Variants in DEPDC4 observed in about 807,000 individuals in gnomAD.
The protein encoded by DEPDC4 is DEP domain containing 4, also known as DEP domain-containing protein 4.
Under a neutral mutation model 52.0 loss-of-function variants are expected in DEPDC4, and 52 were observed. That is an observed-to-expected ratio of 1.00 (90% CI 0.80 to 1.26). The LOEUF (loss-of-function observed/expected upper bound fraction) is 1.26, where lower values mean the gene tolerates loss of function less well. DEPDC4 is among the 50% of genes most tolerant of loss of function. The pLI, the probability that DEPDC4 is intolerant of heterozygous loss-of-function variation, is 0.00. For synonymous variants in DEPDC4, 201 were observed against 196.8 expected (o/e 1.02, Z -0.18); for missense variants, 530 against 546.9 (o/e 0.97, Z 0.31).
Position 100,262,336 on chromosome 12 carries a change from T to C in DEPDC4, c.628A>G (p.Thr210Ala), listed in dbSNP as rs765888750. Reference sequence around the variant, plus strand: ...CATAAAGCTGGATTCCCATTTATTGTATGAATAAGTTCCTCAATTCTTTCC... The same window carrying C: ...CATAAAGCTGGATTCCCATTTATTGCATGAATAAGTTCCTCAATTCTTTCC... The part of the protein sequence containing the change: ...GEERIEELIH[T>A]INGNPALCPN... Residue 210 changes from threonine (T) to alanine (A), a missense_variant, in exon 3 of 10, where the codon ACA becomes GCA. Physicochemically the swap from Thr to Ala is moderately conservative, Grantham distance 58. Transcript: ENST00000550587. 1.3e-5 allele frequency: 21 copies of C among 1,613,470 alleles called. No homozygotes were observed. Among genetic ancestry groups the C allele is most frequent in the Non-Finnish European group, 1.7e-6 (2 of 1,179,788 alleles).
the DEPDC4 span, among the ~76,000 whole-genome samples, chr12:100,278,659 CT>C: frequency 7.0e-5 from 9 of 129,076 alleles, no homozygotes; most frequent in East Asian, 1.6e-3. Context: ...GAGATGGAGT[CT>C]TGCTCCCTCG....
upstream of DEPDC4, among the ~76,000 whole-genome samples, chr12:100,269,887 C>T (rs1448639776): frequency 6.6e-6 from 1 of 152,108 alleles, no homozygotes; most frequent in Non-Finnish European, 1.5e-5. Flanking sequence ...AAGAAGTTAT[C>T]CAGGTTATTT....
chr12:100,249,298 A>C (rs1335077613), intron 7 of DEPDC4, among the ~76,000 whole-genome samples: 1 of 152,208 alleles, frequency 6.6e-6, no homozygotes, highest in Non-Finnish European at 1.5e-5. Flanking sequence ...TTACATTGTA[A>C]TTACACAGTC....
chr12:100,280,721 T>G, the DEPDC4 span, among the ~76,000 whole-genome samples: 1 of 152,124 alleles, frequency 6.6e-6, no homozygotes, highest in African/African-American at 2.4e-5. Flanking sequence ...AAGGAAATGC[T>G]CTTTGGAGCA....
At chr12:100,273,666 C>T in the DEPDC4 span, among the ~76,000 whole-genome samples, 9 of 152,164 alleles carry the variant, frequency 5.9e-5, no homozygotes, top group Non-Finnish European at 1.2e-4. Flanking sequence ...AGTTTGCAGA[C>T]CACACCATAG....
downstream of DEPDC4, among the ~76,000 whole-genome samples, chr12:100,236,995 G>T (rs962861997): frequency 6.6e-6 from 1 of 152,016 alleles, no homozygotes; most frequent in African/African-American, 2.4e-5. Context: ...TTGGCTATAC[G>T]TATTTGGGTT....
intron 3 of DEPDC4, among the ~76,000 whole-genome samples, chr12:100,256,619 TTTTG>T (rs149266513): frequency 0.013 from 1,716 of 136,252 alleles, 17 homozygotes; most frequent in East Asian, 0.039. Context: ...GTTCATTGTT[TTTTG>T]TTTGTTTGTT....
intron 7 of DEPDC4, among the ~76,000 whole-genome samples, chr12:100,250,581 G>GA (rs970577869): frequency 1.2e-4 from 18 of 151,860 alleles, no homozygotes; most frequent in African/African-American, 1.7e-4. Flanking sequence ...GTAGAAAGAT[G>GA]AAAAAAAATC....
At chr12:100,281,019 G>GTTTTGTTTTTTTTTTTTTTTTTTTTT in the DEPDC4 span, among the ~76,000 whole-genome samples, 5 of 50,466 alleles carry the variant, frequency 9.9e-5, 1 homozygote, top group African/African-American at 3.4e-4. Context: ...TACCATCAGT[G>GTTTTGTTTTTTTTTTTTTTTTTTTTT]TTTTTTTTTT....
At chr12:100,249,179 T>C (rs1327766010) in intron 7 of DEPDC4, among the ~76,000 whole-genome samples, 1 of 152,228 alleles carries the variant, frequency 6.6e-6, no homozygotes, top group Admixed American at 6.5e-5. Flanking sequence ...TCTTATTTTC[T>C]GCCTTCATGT....
chr12:100,259,081 A>AAAAT lies in DEPDC4; in HGVS notation c.701-2856_701-2855insATTT, dbSNP rs543577636. On this transcript the variant is annotated intron_variant, in intron 3 of 9. Coordinates refer to ENST00000550587, the MANE Select transcript of DEPDC4 (RefSeq NM_001364818.2). ...GCAAAAATCTGTCTCAAAAAAAAAAAATATATATATATATCCCATGTACCC... is the reference window on the plus strand; with the variant it reads ...GCAAAAATCTGTCTCAAAAAAAAAAAAAATATATATATATATATCCCATGTACCC... Among the ~76,000 whole-genome samples, 3 of 149,092 alleles carry AAAAT rather than the reference A, an allele frequency of 2.0e-5. No individual in the cohort carries two copies. The East Asian group carries it at 5.8e-4, about 29-fold the overall frequency.
chr12:100,261,176 G>A (rs1292864617), intron 3 of DEPDC4, among the ~76,000 whole-genome samples: 25 of 131,044 alleles, frequency 1.9e-4, no homozygotes, highest in East Asian at 1.1e-3. Flanking sequence ...GCGAGACTCC[G>A]TCTCAAAAAA....
At chr12:100,267,198 C>T (rs1281558108), upstream of DEPDC4, 14 of 1,076,936 alleles carry the variant, frequency 1.3e-5, no homozygotes, top group South Asian at 3.2e-5. Flanking sequence ...CCCTCCCTTA[C>T]TCTTCGTCCC....
At position 100,248,941 on chromosome 12, in the gene DEPDC4, A is replaced by C. The variant is rs2096196810; in HGVS notation, c.1412T>G (p.Leu471Arg). The C allele has an allele frequency of 2.0e-6, 2 of 985,700 alleles. No individual in the cohort carries two copies. Among genetic ancestry groups the C allele is most frequent in the African/African-American group, 3.5e-5 (2 of 57,366 alleles). 61.1% of individuals were successfully genotyped at this position (985,700 alleles called of 1,614,324 possible). ...VTLLDLVSKK[L>R]KKLLHGEDAD... ...ATCTTCTCCATGTAGAAGCTTCTTA[A>C]GTTTCTTACTAACCAGATCCAATAA... Residue 471 changes from leucine (L) to arginine (R), a missense_variant, in exon 8 of 10, where the codon CTT becomes CGT. Physicochemically the swap from Leu to Arg is moderately radical, Grantham distance 102. Transcript: ENST00000550587.
the DEPDC4 span, among the ~76,000 whole-genome samples, chr12:100,272,557 T>G: frequency 6.6e-6 from 1 of 152,196 alleles, no homozygotes; most frequent in Non-Finnish European, 1.5e-5. Flanking sequence ...TTGGCCTGCA[T>G]GTCTAAAAAC....
At position 100,247,215 on chromosome 12, in the gene DEPDC4, T is replaced by G. The variant is rs1319818675; in HGVS notation, c.1453+1685A>C. Reference sequence around the variant, plus strand: ...CTCCCCTTAGTGTTTTTTTTTTTTTTTTTTTTTTTTTGAGACAGAGTCGTG... The same window carrying G: ...CTCCCCTTAGTGTTTTTTTTTTTTTGTTTTTTTTTTTGAGACAGAGTCGTG... On this transcript the variant is annotated intron_variant, in intron 8 of 9. Transcript: ENST00000550587. 2.9e-5 allele frequency among the ~76,000 whole-genome samples: 4 copies of G among 138,718 alleles called. No homozygotes were observed. The East Asian group carries it at 8.1e-4, about 28-fold the overall frequency. 91.0% of individuals were successfully genotyped at this position (138,718 alleles called of 152,430 possible).
chr12:100,279,167 G>C, the DEPDC4 span, among the ~76,000 whole-genome samples: 3 of 152,226 alleles, frequency 2.0e-5, no homozygotes, highest in African/African-American at 7.2e-5. Flanking sequence ...ACAGATGGGG[G>C]ATGGGAGGCT....
intron 2 of DEPDC4, 41 bp downstream of exon 2, chr12:100,263,456 G>A (rs1293573978): frequency 2.0e-6 from 3 of 1,464,104 alleles, no homozygotes; most frequent in Non-Finnish European, 1.8e-6. Flanking sequence ...TTCTTCTAGG[G>A]TCTAAATAAA....
chr12:100,270,010 G>A (rs1188727762), upstream of DEPDC4, among the ~76,000 whole-genome samples: 3 of 149,416 alleles, frequency 2.0e-5, no homozygotes, highest in South Asian at 2.1e-4. Context: ...TTTGTGAGAC[G>A]GAGTGTCACT....
Sources: gnomAD v4.1 joint callset for allele counts (sites outside exome capture counted in the v4.1 genomes callset) on GRCh38, gnomAD v4.1.1 for gene constraint, MANE v1.5 for transcripts, NCBI Gene and HGNC (gene_info 2026-07-23, HGNC 2026-07-21) for gene names.